Variants in MKLN1 observed in about 807,000 individuals in gnomAD.
MKLN1 encodes the protein muskelin.
A neutral mutation model predicts 99.0 loss-of-function variants in MKLN1; 18 were observed. The ratio of observed to expected loss-of-function variants is 0.18; its 90% confidence interval spans 0.13 to 0.27. The LOEUF is 0.27. MKLN1 is among the 10% of genes least tolerant of loss of function. MKLN1 has a pLI of 1.00. For missense variants in MKLN1, 621 were observed against 875.9 expected (o/e 0.71, Z 3.67); for synonymous variants, 288 against 293.2 (o/e 0.98, Z 0.18).
chr7:131,261,448 C>A (rs1054093185), intron 3 of MKLN1, among the ~76,000 whole-genome samples: 2 of 152,138 alleles, frequency 1.3e-5, no homozygotes, highest in African/African-American at 4.8e-5. Flanking sequence ...CAATGAGACC[C>A]CATCTCACAC....
intron 14 of MKLN1, among the ~76,000 whole-genome samples, 188 bp downstream of exon 14, chr7:131,464,596 G>T (rs1031564045): frequency 6.6e-6 from 1 of 152,136 alleles, no homozygotes; most frequent in Non-Finnish European, 1.5e-5. Context: ...GCATTTTTAC[G>T]TAGTCTGTAA....
intron 3 of MKLN1, among the ~76,000 whole-genome samples, chr7:131,257,328 C>T (rs1797671375): frequency 6.6e-6 from 1 of 152,152 alleles, no homozygotes; most frequent in Non-Finnish European, 1.5e-5. Flanking sequence ...GATAAATTAA[C>T]ATGTGCAGAA....
chr7:131,491,460 T>G lies in MKLN1; in HGVS notation c.*3732T>G, dbSNP rs1256761292. 1 of 152,190 alleles carries G rather than the reference T, an allele frequency of 6.6e-6. No homozygotes were observed. Among genetic ancestry groups the G allele is most frequent in the African/African-American group, 2.4e-5 (1 of 41,444 alleles). The allele number at this position is 152,190 out of a possible 1,614,324, so 9.4% of individuals were successfully genotyped here. A position where few individuals can be genotyped will look rare whatever the true frequency, so the allele number is the denominator to read the frequency against. ...TTGGATGCTTTAACACAAAAGATTT[T>G]TGTTATCCTTATTAGTCAAATAACG... On this transcript the variant is annotated 3_prime_UTR_variant, in exon 18 of 18. Coordinates refer to ENST00000352689, the MANE Select transcript of MKLN1 (RefSeq NM_013255.5).
intron 1 of MKLN1, among the ~76,000 whole-genome samples, chr7:131,135,728 G>A (rs151121835): frequency 2.6e-5 from 4 of 152,312 alleles, no homozygotes; most frequent in South Asian, 4.1e-4. Context: ...AGGTCATTGC[G>A]AGCTTCATCG....
chr7:131,273,604 T>C (rs1240863738), intron 3 of MKLN1, among the ~76,000 whole-genome samples: 1 of 151,636 alleles, frequency 6.6e-6, no homozygotes, highest in Admixed American at 6.6e-5. Flanking sequence ...AAGGATCAGA[T>C]ACCTATGGCT....
chr7:131,291,101 T>TTTAA (rs1554547693), intron 3 of MKLN1, among the ~76,000 whole-genome samples: 1 of 134,842 alleles, frequency 7.4e-6, no homozygotes, highest in South Asian at 2.5e-4. Flanking sequence ...TCTCATTTTA[T>TTTAA]TTTATTTATT....
At chr7:131,150,349 T>C (rs991024407) in intron 2 of MKLN1, among the ~76,000 whole-genome samples, 3 of 152,156 alleles carry the variant, frequency 2.0e-5, no homozygotes, top group African/African-American at 4.8e-5. Context: ...TAGCTGGGCA[T>C]GGTGGTATGC....
intron 17 of MKLN1, among the ~76,000 whole-genome samples, chr7:131,483,958 A>G (rs1797197423): frequency 6.6e-6 from 1 of 152,256 alleles, no homozygotes; most frequent in Non-Finnish European, 1.5e-5. Flanking sequence ...TCAACTGTAT[A>G]TACGCATGCA....
chr7:131,205,962 C>T (rs960962793), intron 3 of MKLN1, among the ~76,000 whole-genome samples: 3 of 150,012 alleles, frequency 2.0e-5, no homozygotes, highest in African/African-American at 7.4e-5. Context: ...GGCATGATCT[C>T]TGCTCACTGC....
intron 2 of MKLN1, among the ~76,000 whole-genome samples, chr7:131,190,982 C>A (rs563799965): frequency 6.6e-6 from 1 of 152,286 alleles, no homozygotes; most frequent in African/African-American, 2.4e-5. Context: ...GATTCAATAG[C>A]CCTGGAGTGA....
chr7:131,485,305 G>A (rs1211407452), intron 17 of MKLN1, among the ~76,000 whole-genome samples: 2 of 151,958 alleles, frequency 1.3e-5, no homozygotes, highest in African/African-American at 4.8e-5. Flanking sequence ...ACAGTGATGC[G>A]AACAAATAAG....
chr7:131,194,009 T>G (rs966527281), intron 2 of MKLN1, among the ~76,000 whole-genome samples: 35 of 112,998 alleles, frequency 3.1e-4, no homozygotes, highest in East Asian at 4.1e-4. Context: ...TTTTGTTTTT[T>G]TTTTTTTTTT....
chr7:131,365,025 A>G (rs1800139509), intron 1 of MKLN1, among the ~76,000 whole-genome samples: 1 of 152,104 alleles, frequency 6.6e-6, no homozygotes, highest in African/African-American at 2.4e-5. Context: ...ACTTTTAGCT[A>G]TTTGAGGAAT....
At chr7:131,205,690 A>T (rs936173809) in intron 3 of MKLN1, among the ~76,000 whole-genome samples, 33 of 152,028 alleles carry the variant, frequency 2.2e-4, no homozygotes, top group Admixed American at 2.2e-3. Context: ...GGAGGAACTG[A>T]GTTCCTTGTG....
rs192223570 is a variant in MKLN1 at position 131,252,725 on chromosome 7, G to A, written c.-179+49751G>A. Among the ~76,000 whole-genome samples the A allele has an allele frequency of 4.8e-4, 73 of 152,252 alleles. 1 individual carries two copies. The highest frequency in any genetic ancestry group is 2.6e-3 in the Admixed American group (40 of 15,274). Reference sequence around the variant, plus strand: ...CATCACCAAGAAAACTAGAGAAAGAGCTAAGAATCAAGTTTTGTCTCCTGA... The same window carrying A: ...CATCACCAAGAAAACTAGAGAAAGAACTAAGAATCAAGTTTTGTCTCCTGA... On this transcript the variant is annotated intron_variant, in intron 3 of 7. Transcript: ENST00000416992.
intron 1 of MKLN1, among the ~76,000 whole-genome samples, chr7:131,124,737 C>T (rs1038850393): frequency 3.3e-5 from 5 of 152,258 alleles, no homozygotes; most frequent in African/African-American, 9.6e-5. Context: ...TGTCTTGAAC[C>T]CCAGCCTACT....
At chr7:131,392,708 C>A (rs188404502) in intron 4 of MKLN1, among the ~76,000 whole-genome samples, 2 of 151,260 alleles carry the variant, frequency 1.3e-5, no homozygotes, top group East Asian at 3.9e-4. Context: ...TGGGTTCAAG[C>A]GATTCTCCTG....
At chr7:131,195,949 A>C (rs984765736) in intron 2 of MKLN1, among the ~76,000 whole-genome samples, 15 of 152,134 alleles carry the variant, frequency 9.9e-5, no homozygotes, top group African/African-American at 2.9e-4. Context: ...ACTCCATCTC[A>C]AACAACAACA....
intron 16 of MKLN1, among the ~76,000 whole-genome samples, chr7:131,475,464 T>C (rs1796937681): frequency 6.6e-6 from 1 of 152,184 alleles, no homozygotes; most frequent in African/African-American, 2.4e-5. Flanking sequence ...TCTCAGAAAT[T>C]AGAGGAAGGC....
Sources: allele counts gnomAD v4.1 joint callset (sites outside exome capture counted in the v4.1 genomes callset), GRCh38; gene constraint gnomAD v4.1.1; transcripts MANE v1.5; gene names NCBI Gene and HGNC (gene_info 2026-07-23, HGNC 2026-07-21).